The following STPG1 variants were observed in gnomAD, a reference collection of about 807,000 sequenced individuals.
STPG1 encodes the protein O(6)-methylguanine-induced apoptosis 2.
Under a neutral mutation model 40.1 loss-of-function variants are expected in STPG1, and 33 were observed. The ratio of observed to expected loss-of-function variants is 0.82; its 90% CI spans 0.62 to 1.10. The LOEUF (loss-of-function observed/expected upper bound fraction) is 1.10. STPG1 is among the 50% of genes least tolerant of loss of function. The probability of loss-of-function intolerance (pLI) is 0.00; values close to 1 mark genes in which losing one functional copy is unlikely to be tolerated. For missense variants in STPG1, 396 were observed against 415.1 expected, an observed-to-expected ratio of 0.95 and a Z score of 0.40; for synonymous variants, 150 against 155.0, an observed-to-expected ratio of 0.97 and a Z score of 0.24.
chr1:24,365,405 C>T (rs1374015152), intron 7 of STPG1, among the ~76,000 whole-genome samples: 1 of 152,176 alleles, frequency 6.6e-6, no homozygotes, highest in Non-Finnish European at 1.5e-5. Flanking sequence ...CTGACTCACC[C>T]TAAGTGATTG....
chr1:24,398,662 A>G (rs1426535634), intron 2 of STPG1, among the ~76,000 whole-genome samples: 1 of 152,124 alleles, frequency 6.6e-6, no homozygotes, highest in Non-Finnish European at 1.5e-5. Flanking sequence ...CACCAGAATC[A>G]AGGTCAATAT....
intron 1 of STPG1, among the ~76,000 whole-genome samples, chr1:24,411,208 A>G (rs1643613444): frequency 6.6e-6 from 1 of 152,184 alleles, no homozygotes; most frequent in Non-Finnish European, 1.5e-5. Context: ...AATTTTTATA[A>G]TAATCCAGTG....
intron 2 of STPG1, among the ~76,000 whole-genome samples, chr1:24,396,505 A>G (rs76417482): frequency 0.016 from 2,418 of 152,252 alleles, 66 homozygotes; most frequent in African/African-American, 0.054. Context: ...TTTGCAGTCT[A>G]TTTATTCTCT....
rs529893212 is a variant in STPG1 at position 24,390,310 on chromosome 1, C to T, written c.189+1251G>A. On this transcript the variant is annotated intron_variant, in intron 3 of 8. Coordinates refer to ENST00000337248, the MANE Select transcript of STPG1 (RefSeq NM_001199013.2). ...GAAATCCCAAAGATTAAATAAGGAC[C>T]GGTCAGGAACCACGCAGAACTTTCC... Among the ~76,000 whole-genome samples, 91 of 152,178 alleles carry T rather than the reference C, an allele frequency of 6.0e-4. 1 individual carries two copies. The highest frequency in any genetic ancestry group is 1.1e-3 in the Non-Finnish European group (72 of 68,022).
chr1:24,390,837 T>C (rs1478479582), intron 3 of STPG1, among the ~76,000 whole-genome samples: 2 of 151,618 alleles, frequency 1.3e-5, no homozygotes, highest in Admixed American at 1.3e-4. Context: ...TCTAGCTCTG[T>C]CACCCAGGCT....
At chr1:24,382,964 T>A (rs1350381349) in intron 4 of STPG1, among the ~76,000 whole-genome samples, 1 of 139,346 alleles carries the variant, frequency 7.2e-6, no homozygotes, top group Non-Finnish European at 1.5e-5. Flanking sequence ...CAGGCTGGAG[T>A]GTGATGGTGA....
chr1:24,410,989 T>C (rs1643599243), intron 1 of STPG1, among the ~76,000 whole-genome samples: 1 of 152,178 alleles, frequency 6.6e-6, no homozygotes, highest in Admixed American at 6.5e-5. Flanking sequence ...TCTGAGCCTA[T>C]TTCCTCCTCC....
chr1:24,360,458 GT>G (rs1175288830), intron 8 of STPG1, among the ~76,000 whole-genome samples: 1 of 152,008 alleles, frequency 6.6e-6, no homozygotes, highest in African/African-American at 2.4e-5. Flanking sequence ...AAAAATAAAA[GT>G]AAAAAAAATT....
At chr1:24,385,041 C>A (rs1642447184) in intron 3 of STPG1, among the ~76,000 whole-genome samples, 1 of 152,186 alleles carries the variant, frequency 6.6e-6, no homozygotes, top group Non-Finnish European at 1.5e-5. Flanking sequence ...AACCCCAGAG[C>A]TGAACCGAGA....
intron 1 of STPG1, among the ~76,000 whole-genome samples, chr1:24,410,502 A>G (rs1643574998): frequency 6.6e-6 from 1 of 152,140 alleles, no homozygotes; most frequent in Non-Finnish European, 1.5e-5. Flanking sequence ...CCAGCTACTC[A>G]GGAGACTGAT....
At chr1:24,386,234 T>C (rs894146569) in intron 3 of STPG1, among the ~76,000 whole-genome samples, 4 of 152,254 alleles carry the variant, frequency 2.6e-5, no homozygotes, top group Non-Finnish European at 4.4e-5. Context: ...GGACATCTCG[T>C]GTTTTCATTT....
chr1:24,373,678 GGCCAGTGCAAAGCA>G lies in STPG1; in HGVS notation c.571+10_571+23del. ...CTGGGACACTTAACCCTTAGGTCAA[GGCCAGTGCAAAGCA>G]GCTGCTTACCTGGGGGAGGTCCTTT... On this transcript the variant is annotated intron_variant, in intron 6 of 8. Coordinates refer to ENST00000337248, the MANE Select transcript of STPG1 (RefSeq NM_001199013.2). 1 of 1,512,406 alleles carries G rather than the reference GGCCAGTGCAAAGCA, an allele frequency of 6.6e-7. No homozygotes were observed. Among genetic ancestry groups the G allele is most frequent in the Non-Finnish European group, 9.2e-7 (1 of 1,087,976 alleles). The allele number at this position is 1,512,406 out of a possible 1,614,324, so 93.7% of individuals were successfully genotyped here. A position where few individuals can be genotyped will look rare whatever the true frequency, so the allele number is the denominator to read the frequency against.
chr1:24,388,392 TA>T (rs1396357519), intron 3 of STPG1, among the ~76,000 whole-genome samples: 1 of 152,172 alleles, frequency 6.6e-6, no homozygotes, highest in African/African-American at 2.4e-5. Context: ...CATCTGTAAA[TA>T]ACTCGAAAAT....
intron 2 of STPG1, among the ~76,000 whole-genome samples, chr1:24,398,532 T>C (rs1557459095): frequency 1.3e-5 from 2 of 151,998 alleles, no homozygotes; most frequent in Non-Finnish European, 1.5e-5. Context: ...ACATAAAATA[T>C]ATGGATGAGA....
chr1:24,361,623 G>GGGAGGCA (rs1291832487), intron 7 of STPG1, among the ~76,000 whole-genome samples: 3 of 152,220 alleles, frequency 2.0e-5, no homozygotes, highest in Admixed American at 6.5e-5. Context: ...TATCATCCTG[G>GGGAGGCA]GGAGGCAGGA....
chr1:24,358,453 T>C lies in STPG1; in HGVS notation c.*90A>G. 8.9e-7 allele frequency: 1 copy of C among 1,127,724 alleles called. No individual in the cohort carries two copies. Among genetic ancestry groups the C allele is most frequent in the Non-Finnish European group, 1.4e-6 (1 of 736,414 alleles). 69.9% of individuals were successfully genotyped at this position (1,127,724 alleles called of 1,614,324 possible). A position where few individuals can be genotyped will look rare whatever the true frequency, so the allele number is the denominator to read the frequency against. ...CCCCCCAAGTTGTCAGCTGCCACACTCATGATCGGTCTCCTCCTGAGGAAT... is the reference window on the plus strand; with the variant it reads ...CCCCCCAAGTTGTCAGCTGCCACACCCATGATCGGTCTCCTCCTGAGGAAT... On this transcript the variant is annotated 3_prime_UTR_variant, in exon 9 of 9. Transcript: ENST00000337248.
At chr1:24,367,354 T>A (rs1004126837) in intron 7 of STPG1, among the ~76,000 whole-genome samples, 2 of 152,218 alleles carry the variant, frequency 1.3e-5, no homozygotes, top group African/African-American at 4.8e-5. Context: ...AGTTAAAAAT[T>A]GAGCATCCTC....
intron 3 of STPG1, among the ~76,000 whole-genome samples, chr1:24,387,446 A>C (rs1045789969): frequency 1.3e-5 from 2 of 152,146 alleles, no homozygotes; most frequent in Non-Finnish European, 2.9e-5. Context: ...CAGCACACAC[A>C]TTAACCTTGT....
intron 5 of STPG1, among the ~76,000 whole-genome samples, chr1:24,374,242 G>GCGTTTTTTT (rs1557440345): frequency 8.0e-6 from 1 of 124,860 alleles, no homozygotes; most frequent in Admixed American, 8.5e-5. Context: ...CGCTAGGAAA[G>GCGTTTTTTT]TGTTTTTTTT....
Sources: gnomAD v4.1 joint callset for allele counts (sites outside exome capture counted in the v4.1 genomes callset) on GRCh38, gnomAD v4.1.1 for gene constraint, MANE v1.5 for transcripts, NCBI Gene and HGNC (gene_info 2026-07-23, HGNC 2026-07-21) for gene names.